The following SLC27A6 variants were observed in gnomAD, a reference collection of about 807,000 sequenced individuals.
SLC27A6 encodes the protein solute carrier family 27 member 6, also known as long-chain fatty acid transport protein 6.
Under a neutral mutation model 63.9 loss-of-function variants are expected in SLC27A6, and 74 were observed. The observed-to-expected ratio is 1.16, with a 90% CI of 0.96 to 1.40. The LOEUF (loss-of-function observed/expected upper bound fraction) is 1.40. Among genes scored for constraint, SLC27A6 ranks in the 40% most tolerant of loss-of-function variants. The probability of loss-of-function intolerance (pLI) is 0.00; values close to 1 mark genes in which losing one functional copy is unlikely to be tolerated. For missense variants in SLC27A6, 794 were observed against 732.9 expected, an observed-to-expected ratio of 1.08 and a Z score of -0.96; for synonymous variants, 287 against 260.8, an observed-to-expected ratio of 1.10 and a Z score of -0.97.
intron 4 of SLC27A6, among the ~76,000 whole-genome samples, chr5:128,999,685 C>A (rs545513185): frequency 6.6e-6 from 1 of 152,212 alleles, no homozygotes; most frequent in South Asian, 2.1e-4. Context: ...GCCTTTCCTT[C>A]AGTACACCAG....
chr5:128,987,821 G>A (rs1181204488), intron 2 of SLC27A6, among the ~76,000 whole-genome samples: 1 of 151,798 alleles, frequency 6.6e-6, no homozygotes, highest in African/African-American at 2.4e-5. Context: ...AAAAGCAATG[G>A]GCAAAAAGAA....
At chr5:129,032,574 A>C (rs1315077160) in intron 9 of SLC27A6, among the ~76,000 whole-genome samples, 1 of 152,086 alleles carries the variant, frequency 6.6e-6, no homozygotes, top group Non-Finnish European at 1.5e-5. Context: ...TCTTGAAAAC[A>C]AGATATCCTG....
At chr5:128,998,726 A>G (rs918401260) in intron 4 of SLC27A6, among the ~76,000 whole-genome samples, 12 of 152,220 alleles carry the variant, frequency 7.9e-5, no homozygotes, top group African/African-American at 2.6e-4. Context: ...TTCATTTGCT[A>G]TTTTTCACAT....
At chr5:128,995,638 A>C (rs1287253258) in intron 4 of SLC27A6, among the ~76,000 whole-genome samples, 1 of 152,176 alleles carries the variant, frequency 6.6e-6, no homozygotes, top group Non-Finnish European at 1.5e-5. Context: ...CCAGGCACAG[A>C]AAAGCTGGGA....
chr5:129,011,669 G>A (rs1751731213), intron 4 of SLC27A6, among the ~76,000 whole-genome samples: 1 of 152,178 alleles, frequency 6.6e-6, no homozygotes, highest in Admixed American at 6.5e-5. Context: ...GGAATGCAGA[G>A]GTGGGCCTAG....
intron 1 of SLC27A6, among the ~76,000 whole-genome samples, chr5:128,969,378 G>A (rs2150125734): frequency 6.6e-6 from 1 of 152,248 alleles, no homozygotes; most frequent in African/African-American, 2.4e-5. Flanking sequence ...TCATGATATT[G>A]ATTCTTCCTA....
intron 4 of SLC27A6, among the ~76,000 whole-genome samples, chr5:129,004,001 C>G (rs1751437321): frequency 6.7e-6 from 1 of 148,866 alleles, no homozygotes; most frequent in Non-Finnish European, 1.5e-5. Flanking sequence ...ACCTCAAACT[C>G]AAAGTTAAGC....
rs1423605578 is a variant in SLC27A6 at position 129,027,259 on chromosome 5, A to G, written c.1382A>G (p.Asn461Ser). The G allele has an allele frequency of 6.2e-7, 1 of 1,613,202 alleles. No individual in the cohort carries two copies. Among genetic ancestry groups the G allele is most frequent in the Non-Finnish European group, 8.5e-7 (1 of 1,179,306 alleles). ...TTTAAGAAGGGAGATGTTTACCTTA[A>G]TACTGGAGACTTAATAGTCCAGGAT... ...DVFKKGDVYL[N>S]TGDLIVQDQD... Residue 461 changes from asparagine to serine, a missense_variant, in exon 7 of 10, where the codon AAT (asparagine) becomes AGT (serine). Transcript: ENST00000262462.
intron 4 of SLC27A6, among the ~76,000 whole-genome samples, chr5:128,998,812 C>A (rs1016942517): frequency 5.9e-5 from 9 of 152,110 alleles, no homozygotes; most frequent in Non-Finnish European, 1.2e-4. Context: ...AATGGTTAAT[C>A]TTTGTTCTGC....
chr5:129,027,570 T>C (rs994156685), intron 7 of SLC27A6, among the ~76,000 whole-genome samples: 1 of 152,134 alleles, frequency 6.6e-6, no homozygotes, highest in Non-Finnish European at 1.5e-5. Context: ...TGAGCTCCTT[T>C]TTAAGGAAAT....
intron 3 of SLC27A6, 93 bp from the exon 4 acceptor site, chr5:128,990,247 A>G: frequency 7.8e-7 from 1 of 1,277,388 alleles, no homozygotes; most frequent in Non-Finnish European, 1.1e-6. Context: ...AAATGAGCAA[A>G]CATGTTCTAG....
At chr5:129,001,576 G>A (rs1000800712) in intron 4 of SLC27A6, among the ~76,000 whole-genome samples, 2 of 152,204 alleles carry the variant, frequency 1.3e-5, no homozygotes, top group Admixed American at 1.3e-4. Flanking sequence ...TTAGGAGTTA[G>A]ATCATGCTTT....
intron 4 of SLC27A6, among the ~76,000 whole-genome samples, chr5:129,000,180 G>A (rs551478859): frequency 6.6e-5 from 10 of 152,206 alleles, no homozygotes; most frequent in African/African-American, 2.4e-4. Context: ...ATGGACACTG[G>A]ATTATGAGGT....
intron 5 of SLC27A6, among the ~76,000 whole-genome samples, chr5:129,021,728 A>T (rs1331853074): frequency 1.3e-5 from 2 of 152,364 alleles, no homozygotes; most frequent in South Asian, 4.1e-4. Flanking sequence ...AGGAAGGAGA[A>T]TGGAAATATT....
intron 1 of SLC27A6, among the ~76,000 whole-genome samples, chr5:128,976,644 A>G (rs1447492307): frequency 6.6e-6 from 1 of 152,242 alleles, no homozygotes; most frequent in African/African-American, 2.4e-5. Context: ...CAATGGCTTG[A>G]TTGTTAACAA....
intron 4 of SLC27A6, among the ~76,000 whole-genome samples, chr5:129,006,069 C>CTGTTTTTTTTTTTT (rs1751513331): frequency 3.1e-5 from 2 of 64,852 alleles, no homozygotes; most frequent in African/African-American, 7.5e-5. Flanking sequence ...CCTGTGCACA[C>CTGTTTTTTTTTTTT]TGTTTTTTTT....
chr5:129,005,051 T>C (rs1042728873), intron 4 of SLC27A6, among the ~76,000 whole-genome samples: 11 of 152,152 alleles, frequency 7.2e-5, no homozygotes, highest in Non-Finnish European at 2.9e-5. Context: ...TGGGGGCAGG[T>C]TATTGTTCCA....
intron 4 of SLC27A6, among the ~76,000 whole-genome samples, chr5:129,007,465 AT>A (rs1380412409): frequency 1.0e-4 from 8 of 77,038 alleles, no homozygotes; most frequent in African/African-American, 2.5e-4. Flanking sequence ...AAAAAAAAAA[AT>A]ATAATGTTAA....
At chr5:128,988,477 A>G (rs1320956445) in intron 2 of SLC27A6, 123 bp from the exon 3 acceptor site, 3 of 679,042 alleles carry the variant, frequency 4.4e-6, no homozygotes, top group Non-Finnish European at 7.2e-6. Flanking sequence ...GTCAATTGCT[A>G]GTGTAGTTGT....
Sources: allele counts gnomAD v4.1 joint callset (sites outside exome capture counted in the v4.1 genomes callset), GRCh38; gene constraint gnomAD v4.1.1; transcripts MANE v1.5; gene names NCBI Gene and HGNC (gene_info 2026-07-23, HGNC 2026-07-21).